LRP8: variants seen among roughly 807,000 people sequenced by gnomAD.
LRP8 encodes low-density lipoprotein receptor-related protein 8.
A neutral mutation model predicts 111.6 loss-of-function variants in LRP8; 46 were observed. That is an observed-to-expected ratio of 0.41 (90% CI 0.33 to 0.53). The LOEUF (loss-of-function observed/expected upper bound fraction) is 0.53, where lower values mean the gene tolerates loss of function less well. Among genes scored for constraint, LRP8 ranks in the 20% least tolerant of loss-of-function variants. LRP8 has a pLI of 0.20. For synonymous variants in LRP8, 464 were observed against 511.2 expected, an observed-to-expected ratio of 0.91 and a Z score of 1.24; for missense variants, 959 against 1,297.4, an observed-to-expected ratio of 0.74 and a Z score of 4.01.
intron 1 of LRP8, 93 bp downstream of exon 1, chr1:53,327,696 G>C (rs1655343279): frequency 4.5e-6 from 6 of 1,319,352 alleles, no homozygotes; most frequent in Non-Finnish European, 5.8e-6. Flanking sequence ...CGATAGCCCC[G>C]GGTTCTGGAC....
chr1:53,247,861 C>CA (rs1462104036), intron 18 of LRP8, among the ~76,000 whole-genome samples: 1 of 152,214 alleles, frequency 6.6e-6, no homozygotes, highest in African/African-American at 2.4e-5. Flanking sequence ...CCAGGGTACA[C>CA]ATCTAACTTT....
At chr1:53,255,281 T>A (rs1292063768) in intron 15 of LRP8, 96 bp from the exon 16 acceptor site, 2 of 984,824 alleles carry the variant, frequency 2.0e-6, no homozygotes, top group Non-Finnish European at 3.2e-6. Context: ...CTGCTGCTCA[T>A]CCTCATTCTA....
Position 53,275,638 on chromosome 1 carries a change from G to A in LRP8, c.999C>T (p.Cys333=), listed in dbSNP as rs1646893902. 1 of 1,613,836 alleles carries A rather than the reference G, an allele frequency of 6.2e-7. No homozygotes were observed. The highest frequency in any genetic ancestry group is 1.3e-5 in the African/African-American group (1 of 74,880). The stretch of plus-strand genomic sequence containing the variant: ...TGCCCTGACCACACGCACCCTGTAG[G>A]CAGCCAGCTTCATCACTCCCATCTG... ...DCPDGSDEAG[C]LQGLNECLHN... Residue 333 remains cysteine, a synonymous_variant, in exon 6 of 19, where the codon TGC becomes TGT. Transcript: ENST00000306052. This position sits in a 1 kb window ranked among gnomAD's most constrained non-coding sequence, Gnocchi z 4.4.
In LRP8 at chr1:53,250,953, C is replaced by T; in HGVS notation, c.2504-91G>A. On this transcript the variant is annotated intron_variant, in intron 16 of 18. Transcript: ENST00000306052. The surrounding 1 kb of genome is among the most constrained non-coding windows in gnomAD (Gnocchi z 4.6). ...AAGGCTTGTCACCACTCCACTTTTA[C>T]TACCCTTTGCTCCTCAGGCTCTGTT... The T allele has an allele frequency of 9.6e-7, 1 of 1,036,744 alleles. No homozygotes were observed. Among genetic ancestry groups the T allele is most frequent in the Non-Finnish European group, 1.5e-6 (1 of 677,908 alleles). The allele number at this position is 1,036,744 out of a possible 1,614,324, so 64.2% of individuals were successfully genotyped here. A position where few individuals can be genotyped will look rare whatever the true frequency, so the allele number is the denominator to read the frequency against.
At chr1:53,269,573 C>T (rs1426635314) in intron 8 of LRP8, among the ~76,000 whole-genome samples, 1 of 152,064 alleles carries the variant, frequency 6.6e-6, no homozygotes, top group African/African-American at 2.4e-5. Context: ...CCTAGGCCTC[C>T]CAAAGTGTTG....
At chr1:53,301,012 G>A (rs1650729502) in intron 2 of LRP8, among the ~76,000 whole-genome samples, 1 of 152,194 alleles carries the variant, frequency 6.6e-6, no homozygotes, top group Non-Finnish European at 1.5e-5. Flanking sequence ...CAGAAGGAGG[G>A]TGCTCGAGGT....
At position 53,262,685 on chromosome 1, in the gene LRP8, A is replaced by G. The variant is rs1159860319; in HGVS notation, c.1656-121T>C. 2 of 749,692 alleles carry G rather than the reference A, an allele frequency of 2.7e-6. No individual in the cohort carries two copies. The highest frequency in any genetic ancestry group is 3.1e-5 in the South Asian group (2 of 64,412). The allele number at this position is 749,692 out of a possible 1,614,324, so 46.4% of individuals were successfully genotyped here. A position where few individuals can be genotyped will look rare whatever the true frequency, so the allele number is the denominator to read the frequency against. ...TTTATGTTTAGTAGGGACTGAGAAG[A>G]CCTCTAAAGTTCTTTTGAACCATCA... On this transcript the variant is annotated intron_variant, in intron 10 of 18. Coordinates refer to ENST00000306052, the MANE Select transcript of LRP8 (RefSeq NM_004631.5). The surrounding 1 kb of genome is among the most constrained non-coding windows in gnomAD (Gnocchi z 4.8).
At chr1:53,253,782 G>C (rs1387127051) in intron 16 of LRP8, among the ~76,000 whole-genome samples, 1 of 152,058 alleles carries the variant, frequency 6.6e-6, no homozygotes, top group Non-Finnish European at 1.5e-5. Context: ...TTTTACTCTG[G>C]AATTACCTTT....
chr1:53,314,346 G>A (rs1653515671), intron 2 of LRP8, among the ~76,000 whole-genome samples: 3 of 152,358 alleles, frequency 2.0e-5, no homozygotes, highest in South Asian at 2.1e-4. Context: ...TAGAGCCTGC[G>A]AATGTGCACG....
intron 1 of LRP8, 158 bp from the exon 2 acceptor site, chr1:53,327,150 G>A (rs1655248081): frequency 1.0e-6 from 1 of 985,134 alleles, no homozygotes; most frequent in African/African-American, 1.6e-5. Flanking sequence ...GGGAGGGCAC[G>A]ATGGCAGGGG....
Position 53,275,009 on chromosome 1 carries a change from G to C in LRP8, c.1006+622C>G, listed in dbSNP as rs1646874406. On this transcript the variant is annotated intron_variant, in intron 6 of 18. Coordinates refer to ENST00000306052, the MANE Select transcript of LRP8 (RefSeq NM_004631.5). This position sits in a 1 kb window ranked among gnomAD's most constrained non-coding sequence, Gnocchi z 4.4. ...GCTCACAGGACAGGATCCCAGGGAT[G>C]ATTAGGAGGCTAAGCCTCATGTAGC... Among the ~76,000 whole-genome samples, 1 of 152,206 alleles carries C rather than the reference G, an allele frequency of 6.6e-6. No homozygotes were observed. Among genetic ancestry groups the C allele is most frequent in the South Asian group, 2.1e-4 (1 of 4,832 alleles).
chr1:53,309,349 G>A (rs1044963097), intron 2 of LRP8, among the ~76,000 whole-genome samples: 7 of 152,198 alleles, frequency 4.6e-5, no homozygotes, highest in Admixed American at 6.5e-5. Flanking sequence ...AAGCATAAGC[G>A]TCATTGATGA....
chr1:53,296,540 G>A (rs118166983), intron 2 of LRP8, among the ~76,000 whole-genome samples: 2,791 of 152,346 alleles, frequency 0.018, 252 homozygotes, highest in Admixed American at 0.15. Context: ...ATGCCCCAGC[G>A]TTGCCAAGAC....
chr1:53,276,277 TG>T (rs1646913398), intron 5 of LRP8, among the ~76,000 whole-genome samples: 1 of 151,884 alleles, frequency 6.6e-6, no homozygotes, highest in African/African-American at 2.4e-5. Context: ...AGAAAGCTGC[TG>T]GGGACCTGCC....
chr1:53,293,850 C>G lies in LRP8; in HGVS notation c.245-4161G>C, dbSNP rs937938267. On this transcript the variant is annotated intron_variant, in intron 2 of 18. Coordinates refer to ENST00000306052, the MANE Select transcript of LRP8 (RefSeq NM_004631.5). This position sits in a 1 kb window ranked among gnomAD's most constrained non-coding sequence, Gnocchi z 4.9. ...AGACTGACTCCTGGCATAGCCACCT[C>G]GGGGTGAACCTGGGCAAGTGGGGAT... 1.3e-5 allele frequency among the ~76,000 whole-genome samples: 2 copies of G among 152,210 alleles called. No homozygotes were observed. Among genetic ancestry groups the G allele is most frequent in the African/African-American group, 4.8e-5 (2 of 41,462 alleles).
intron 3 of LRP8, among the ~76,000 whole-genome samples, chr1:53,287,634 GGA>G (rs1386589093): frequency 6.6e-6 from 1 of 152,082 alleles, no homozygotes; most frequent in African/African-American, 2.4e-5. Context: ...TTCATAAAAG[GGA>G]GACCTGCCAT....
In LRP8 at chr1:53,303,847, C is replaced by T. The variant is rs934523339; in HGVS notation, c.245-14158G>A. ...CTCAGCGACAGGGGACTCAGTCAGC[C>T]GTGCTGGCTGGAGGCTGAACACGTT... On this transcript the variant is annotated intron_variant, in intron 2 of 18. Transcript: ENST00000306052. This position sits in a 1 kb window ranked among gnomAD's most constrained non-coding sequence, Gnocchi z 4.3. Among the ~76,000 whole-genome samples the T allele has an allele frequency of 6.6e-6, 1 of 152,178 alleles. No individual in the cohort carries two copies. The highest frequency in any genetic ancestry group is 1.5e-5 in the Non-Finnish European group (1 of 68,024).
At chr1:53,327,309 G>A in intron 1 of LRP8, 1 of 316,074 alleles carries the variant, frequency 3.2e-6, no homozygotes, top group East Asian at 6.6e-5. Context: ...CCCATAGGGA[G>A]TCCCCGCGCC....
Position 53,245,732 on chromosome 1 carries a change from A to G in LRP8, c.*1286T>C, listed in dbSNP as rs942593954. On this transcript the variant is annotated 3_prime_UTR_variant, in exon 19 of 19. Coordinates refer to ENST00000306052, the MANE Select transcript of LRP8 (RefSeq NM_004631.5). Reference sequence around the variant, plus strand: ...ATGAACATATGATGGTAAGTAACCTATTTATTACCTTAAAATGTTTCCCCA... The same window carrying G: ...ATGAACATATGATGGTAAGTAACCTGTTTATTACCTTAAAATGTTTCCCCA... 6.6e-6 allele frequency: 1 copy of G among 152,630 alleles called. No individual in the cohort carries two copies. The highest frequency in any genetic ancestry group is 6.5e-5 in the Admixed American group (1 of 15,272). 9.5% of individuals were successfully genotyped at this position (152,630 alleles called of 1,614,324 possible). A position where few individuals can be genotyped will look rare whatever the true frequency, so the allele number is the denominator to read the frequency against.
Sources: gnomAD v4.1 joint callset for allele counts (sites outside exome capture counted in the v4.1 genomes callset) on GRCh38, gnomAD v4.1.1 for gene constraint, Gnocchi (gnomAD v3.1) non-coding constraint, MANE v1.5 for transcripts, NCBI Gene and HGNC (gene_info 2026-07-23, HGNC 2026-07-21) for gene names.